The following FAF1 variants were observed in gnomAD, a reference collection of about 807,000 sequenced individuals.
The protein encoded by FAF1 is FAS-associated factor 1.
In FAF1, 25 loss-of-function variants were observed where a neutral mutation model predicts 92.5. The ratio of observed to expected loss-of-function variants is 0.27; its 90% CI spans 0.20 to 0.38. The LOEUF is 0.38. FAF1 is among the 10% of genes least tolerant of loss of function. The probability of loss-of-function intolerance (pLI) is 1.00; values close to 1 mark genes in which losing one functional copy is unlikely to be tolerated. For missense variants in FAF1, 636 were observed against 793.3 expected (o/e 0.80, Z 2.38); for synonymous variants, 234 against 273.2 (o/e 0.86, Z 1.42).
intron 4 of FAF1, among the ~76,000 whole-genome samples, chr1:50,784,306 A>G (rs897046644): frequency 1.3e-5 from 2 of 152,280 alleles, no homozygotes; most frequent in South Asian, 2.1e-4. Context: ...AAAGAAAAAA[A>G]AAACTTAGAA....
intron 5 of FAF1, among the ~76,000 whole-genome samples, chr1:50,739,401 T>TAC (rs1491217053): frequency 1.9e-4 from 22 of 113,728 alleles, no homozygotes; most frequent in Non-Finnish European, 2.5e-4. Flanking sequence ...TGTTTATGTG[T>TAC]ATGTGTATAC....
At chr1:50,739,319 T>C (rs1266679178) in intron 5 of FAF1, among the ~76,000 whole-genome samples, 2 of 152,006 alleles carry the variant, frequency 1.3e-5, no homozygotes, top group African/African-American at 2.4e-5. Flanking sequence ...TGCATATACA[T>C]GTGTACATGT....
chr1:50,801,795 A>T (rs1662000149), intron 2 of FAF1, 118 bp from the exon 3 acceptor site: 1 of 612,920 alleles, frequency 1.6e-6, no homozygotes, highest in Non-Finnish European at 2.9e-6. Context: ...CATAATACTA[A>T]TTTTTTTAGT....
Position 50,959,937 on chromosome 1 carries a change from GGCGGGCGGGTCGGCGGGCCA to G in FAF1, c.-146_-127del, listed in dbSNP as rs1003063445. The G allele has an allele frequency of 1.0e-4, 49 of 484,866 alleles. No homozygotes were observed. The highest frequency in any genetic ancestry group is 1.4e-4 in the Non-Finnish European group (47 of 334,952). 30.0% of individuals were successfully genotyped at this position (484,866 alleles called of 1,614,324 possible). A position where few individuals can be genotyped will look rare whatever the true frequency, so the allele number is the denominator to read the frequency against. On this transcript the variant is annotated 5_prime_UTR_variant, in exon 1 of 19. Transcript: ENST00000396153. ...GCGCCGAGGGGCTGGCGGGCGAGCCGGCGGGCGGGTCGGCGGGCCAGCGGGCGGGGCAGCGCGGGAAGCGC... is the reference window on the plus strand; with the variant it reads ...GCGCCGAGGGGCTGGCGGGCGAGCCGGCGGGCGGGGCAGCGCGGGAAGCGC...
intron 4 of FAF1, among the ~76,000 whole-genome samples, chr1:50,748,998 T>C (rs1173264656): frequency 6.6e-6 from 1 of 152,236 alleles, no homozygotes; most frequent in East Asian, 1.9e-4. Context: ...GCACTTTGGA[T>C]AGTGATTAAC....
At chr1:50,666,209 C>T (rs772126231) in intron 7 of FAF1, among the ~76,000 whole-genome samples, 4 of 152,096 alleles carry the variant, frequency 2.6e-5, no homozygotes, top group African/African-American at 4.8e-5. Context: ...CAACCGCGCC[C>T]GGCTGGACAC....
chr1:50,474,329 C>T (rs868580484), intron 18 of FAF1, among the ~76,000 whole-genome samples: 1 of 152,346 alleles, frequency 6.6e-6, no homozygotes, highest in South Asian at 2.1e-4. Context: ...TTCCTACCAG[C>T]CCTGCTCCAG....
intron 2 of FAF1, among the ~76,000 whole-genome samples, chr1:50,849,266 C>CAAA (rs369712410): frequency 1.1e-5 from 1 of 88,730 alleles, no homozygotes; most frequent in Non-Finnish European, 2.3e-5. Context: ...GACTCCGTCT[C>CAAA]AAAAAAAAAA....
chr1:50,848,653 T>A (rs1002349490), intron 2 of FAF1, among the ~76,000 whole-genome samples: 5 of 152,140 alleles, frequency 3.3e-5, no homozygotes, highest in African/African-American at 1.2e-4. Context: ...ATCATATACC[T>A]CCTGTTACAC....
In FAF1 at chr1:50,960,013, C is replaced by T. The variant is rs1232899167; in HGVS notation, c.-202G>A. ...GCTCATGCACTCGGTAACCTTCAGGCGCCCCGGCCGCCCGCCTGCAACCTG... is the reference window on the plus strand; with the variant it reads ...GCTCATGCACTCGGTAACCTTCAGGTGCCCCGGCCGCCCGCCTGCAACCTG... On this transcript the variant is annotated 5_prime_UTR_variant, in exon 1 of 19. Transcript: ENST00000396153. The T allele has an allele frequency of 2.8e-5, 11 of 394,454 alleles. No individual in the cohort carries two copies. In the East Asian group the frequency reaches 2.9e-4, roughly 10 times the overall value. The allele number at this position is 394,454 out of a possible 1,614,324, so 24.4% of individuals were successfully genotyped here.
At chr1:50,625,511 G>A (rs904621595) in intron 8 of FAF1, among the ~76,000 whole-genome samples, 1 of 152,232 alleles carries the variant, frequency 6.6e-6, no homozygotes, top group Admixed American at 6.5e-5. Context: ...AAGAGATAAT[G>A]TCTAACTTTG....
chr1:50,584,602 T>G, intron 10 of FAF1, 83 bp downstream of exon 10: 1 of 1,334,152 alleles, frequency 7.5e-7, no homozygotes. Context: ...CAGTAAGAGA[T>G]GTTTAAGTTT....
intron 4 of FAF1, among the ~76,000 whole-genome samples, chr1:50,750,319 A>G (rs1659805078): frequency 1.3e-5 from 2 of 152,224 alleles, no homozygotes; most frequent in South Asian, 4.1e-4. Context: ...CAGCATATAT[A>G]CTAAATTTGG....
chr1:50,874,422 T>C (rs1313513767), intron 1 of FAF1, among the ~76,000 whole-genome samples: 3 of 152,156 alleles, frequency 2.0e-5, no homozygotes, highest in Non-Finnish European at 4.4e-5. Context: ...AGTATAGTAG[T>C]GTGATCACAG....
At chr1:50,756,638 A>G (rs966617245) in intron 4 of FAF1, among the ~76,000 whole-genome samples, 1 of 152,250 alleles carries the variant, frequency 6.6e-6, no homozygotes, top group East Asian at 1.9e-4. Flanking sequence ...TGATAAAGAC[A>G]TACCTGAGAC....
intron 8 of FAF1, among the ~76,000 whole-genome samples, chr1:50,621,108 C>A (rs1399731039): frequency 1.3e-5 from 2 of 152,350 alleles, no homozygotes; most frequent in Admixed American, 1.3e-4. Context: ...GGTCTTAGAT[C>A]TTGGCTCCAT....
chr1:50,563,762 TTACAGC>T (rs1346611272), intron 13 of FAF1, among the ~76,000 whole-genome samples: 2 of 152,190 alleles, frequency 1.3e-5, no homozygotes, highest in Non-Finnish European at 2.9e-5. Context: ...ACATTAATCA[TTACAGC>T]TAAAGTTTCA....
intron 4 of FAF1, among the ~76,000 whole-genome samples, chr1:50,784,229 A>G (rs570728337): frequency 6.6e-6 from 1 of 152,192 alleles, no homozygotes; most frequent in Non-Finnish European, 1.5e-5. Context: ...TTGGAAAGGA[A>G]GAAATACAAC....
At chr1:50,590,254 C>T (rs1162210941) in intron 9 of FAF1, among the ~76,000 whole-genome samples, 1 of 152,186 alleles carries the variant, frequency 6.6e-6, no homozygotes, top group African/African-American at 2.4e-5. Context: ...TTGGGCACTA[C>T]AATATTACGC....
Sources: allele counts gnomAD v4.1 joint callset (sites outside exome capture counted in the v4.1 genomes callset), GRCh38; gene constraint gnomAD v4.1.1; transcripts MANE v1.5; gene names NCBI Gene and HGNC (gene_info 2026-07-23, HGNC 2026-07-21).